Variants in GLDN observed in about 807,000 individuals in gnomAD.
GLDN encodes the protein gliomedin, also known as collomin.
A neutral mutation model predicts 56.5 loss-of-function variants in GLDN; 47 were observed. The ratio of observed to expected loss-of-function variants is 0.83; its 90% CI spans 0.66 to 1.06. GLDN has a LOEUF of 1.06. GLDN is among the 50% of genes least tolerant of loss of function. GLDN has a pLI of 0.00. For missense variants in GLDN, 782 were observed against 714.3 expected (o/e 1.09, Z -1.08); for synonymous variants, 332 against 278.8 (o/e 1.19, Z -1.90).
At chr15:51,369,985 G>T (rs916250321) in intron 1 of GLDN, among the ~76,000 whole-genome samples, 1 of 152,086 alleles carries the variant, frequency 6.6e-6, no homozygotes, top group Non-Finnish European at 1.5e-5. Flanking sequence ...GCATGGTGCC[G>T]CATGTCTGTA....
At chr15:51,387,237 C>T (rs960970779) in intron 4 of GLDN, among the ~76,000 whole-genome samples, 24 of 152,176 alleles carry the variant, frequency 1.6e-4, no homozygotes. Context: ...TCAACAAATA[C>T]TTATTCAGCA....
rs1198299575 is a variant in GLDN, at chr15:51,405,791, G to A, written c.*1037G>A. 6.6e-6 allele frequency: 1 copy of A among 152,212 alleles called. No homozygotes were observed. Among genetic ancestry groups the A allele is most frequent in the Admixed American group, 6.5e-5 (1 of 15,282 alleles). 9.4% of individuals were successfully genotyped at this position (152,212 alleles called of 1,614,324 possible). On this transcript the variant is annotated 3_prime_UTR_variant, in exon 10 of 10. Transcript: ENST00000335449. ...ATTTGTGGCTATTATGTAGAACTGG[G>A]CCAGAGCCAGTCCATTGCCTGTTTT...
At chr15:51,412,790 G>A (rs1415816723), downstream of GLDN, among the ~76,000 whole-genome samples, 1 of 151,980 alleles carries the variant, frequency 6.6e-6, no homozygotes, top group African/African-American at 2.4e-5. Context: ...TTGTACTAAT[G>A]TTTTATTAAA....
rs149551075 is a variant in GLDN, at chr15:51,401,648, G to A, written c.1083G>A (p.Thr361=). 28 of 1,614,044 alleles carry A rather than the reference G, an allele frequency of 1.7e-5. No homozygotes were observed. In the East Asian group the frequency reaches 3.8e-4, roughly 22 times the overall value. ...CCTCACTTCTGAATGGCAGTTACAC[G>A]TTCATCCACCTTCCATACTATTTCC... The part of the protein sequence containing the change: ...DQPSLLNGSY[T]FIHLPYYFHG... Residue 361 remains threonine (T), a synonymous_variant, in exon 9 of 10, where the codon ACG becomes ACA. Transcript: ENST00000335449.
At chr15:51,373,477 A>C (rs933974864) in intron 1 of GLDN, among the ~76,000 whole-genome samples, 1 of 152,268 alleles carries the variant, frequency 6.6e-6, no homozygotes, top group African/African-American at 2.4e-5. Flanking sequence ...ACACAGTGCA[A>C]ACCTGTATCA....
rs183983789 is a variant in GLDN at position 51,354,170 on chromosome 15, G to T, written c.363+12123G>T. ...CCCCTTCATCTGCCACCCAGAAAAAGTCTGTGCTTGCCAAAGTGCTGGGAA... is the reference window on the plus strand; with the variant it reads ...CCCCTTCATCTGCCACCCAGAAAAATTCTGTGCTTGCCAAAGTGCTGGGAA... On this transcript the variant is annotated intron_variant, in intron 1 of 9. Coordinates refer to ENST00000335449, the MANE Select transcript of GLDN (RefSeq NM_181789.4). 6.6e-5 allele frequency among the ~76,000 whole-genome samples: 10 copies of T among 152,310 alleles called. No individual in the cohort carries two copies. The East Asian group carries it at 1.7e-3, about 26-fold the overall frequency.
chr15:51,400,581 G>C, intron 8 of GLDN, 83 bp downstream of exon 8: 2 of 1,417,520 alleles, frequency 1.4e-6, no homozygotes, highest in Non-Finnish European at 1.9e-6. Flanking sequence ...TATTCCATTT[G>C]TGTGTGTCTG....
At chr15:51,371,330 G>T (rs757912090) in intron 1 of GLDN, among the ~76,000 whole-genome samples, 2 of 152,214 alleles carry the variant, frequency 1.3e-5, no homozygotes, top group East Asian at 3.8e-4. Context: ...TTTTTGTCCA[G>T]ATATCCTTGT....
downstream of GLDN, among the ~76,000 whole-genome samples, chr15:51,410,337 C>A (rs1269192259): frequency 6.6e-6 from 1 of 152,220 alleles, no homozygotes; most frequent in Non-Finnish European, 1.5e-5. Context: ...AACATATAGC[C>A]TTCAGCTGTC....
intron 5 of GLDN, among the ~76,000 whole-genome samples, chr15:51,396,647 G>A (rs916149946): frequency 6.6e-6 from 1 of 152,208 alleles, no homozygotes; most frequent in Admixed American, 6.5e-5. Flanking sequence ...GACTTTGCTA[G>A]TAGCTGGAAA....
rs766136834 is a variant in GLDN, at chr15:51,401,588, T to C, written c.1028-5T>C. 1.2e-6 allele frequency: 2 copies of C among 1,611,958 alleles called. No homozygotes were observed. The highest frequency in any genetic ancestry group is 1.7e-6 in the Non-Finnish European group (2 of 1,178,934). ...AACAGCCTCTCCCTGGCTTCCCTCCTACAGGCATCATGGTTAAGGAATTCA... is the reference window on the plus strand; with the variant it reads ...AACAGCCTCTCCCTGGCTTCCCTCCCACAGGCATCATGGTTAAGGAATTCA... On this transcript the variant is annotated splice_region_variant and splice_polypyrimidine_tract_variant and intron_variant, in intron 8 of 9. Coordinates refer to ENST00000335449, the MANE Select transcript of GLDN (RefSeq NM_181789.4).
chr15:51,409,642 T>G (rs545884729), downstream of GLDN, among the ~76,000 whole-genome samples: 1 of 152,258 alleles, frequency 6.6e-6, no homozygotes, highest in East Asian at 1.9e-4. Flanking sequence ...AGAGGCCACA[T>G]CCACAATTGC....
chr15:51,381,597 GC>G (rs1392949789), intron 2 of GLDN, among the ~76,000 whole-genome samples: 1 of 152,006 alleles, frequency 6.6e-6, no homozygotes, highest in Non-Finnish European at 1.5e-5. Flanking sequence ...TGTATTGCAG[GC>G]CCCCTGTTAT....
At chr15:51,409,049 A>G (rs1380355585), downstream of GLDN, among the ~76,000 whole-genome samples, 1 of 136,744 alleles carries the variant, frequency 7.3e-6, no homozygotes, top group Admixed American at 7.2e-5. Context: ...ATAAGGCCAT[A>G]AGAACAACAG....
At chr15:51,355,819 G>A (rs527419864) in intron 1 of GLDN, among the ~76,000 whole-genome samples, 34 of 148,504 alleles carry the variant, frequency 2.3e-4, no homozygotes, top group Admixed American at 4.7e-4. Context: ...CACCACACCC[G>A]GCCCTACTGC....
At chr15:51,378,211 C>T (rs986878836) in intron 2 of GLDN, among the ~76,000 whole-genome samples, 22 of 152,176 alleles carry the variant, frequency 1.4e-4, no homozygotes, top group African/African-American at 5.1e-4. Context: ...AGAAACTCCC[C>T]TCAGGAACCC....
At chr15:51,349,269 A>G (rs2141048518) in intron 1 of GLDN, among the ~76,000 whole-genome samples, 1 of 152,374 alleles carries the variant, frequency 6.6e-6, no homozygotes, top group South Asian at 2.1e-4. Context: ...TTGCAGTGCT[A>G]TATTTCCTTA....
At chr15:51,383,197 A>G (rs777741694) in intron 2 of GLDN, among the ~76,000 whole-genome samples, 23 of 152,224 alleles carry the variant, frequency 1.5e-4, no homozygotes, top group Non-Finnish European at 2.4e-4. Flanking sequence ...ATCTAGAGTG[A>G]GGACAGCTCA....
downstream of GLDN, among the ~76,000 whole-genome samples, chr15:51,410,584 G>A (rs1260336232): frequency 6.6e-6 from 1 of 152,160 alleles, no homozygotes; most frequent in African/African-American, 2.4e-5. Context: ...TTCCACAGGT[G>A]TTGATCCTAA....
Sources: allele counts gnomAD v4.1 joint callset (sites outside exome capture counted in the v4.1 genomes callset), GRCh38; gene constraint gnomAD v4.1.1; transcripts MANE v1.5; gene names NCBI Gene and HGNC (gene_info 2026-07-23, HGNC 2026-07-21).